ADGRL2: variants seen among roughly 807,000 people sequenced by gnomAD.
ADGRL2 encodes the protein adhesion G protein-coupled receptor L2.
A neutral mutation model predicts 157.4 loss-of-function variants in ADGRL2; 44 were observed. The observed-to-expected ratio is 0.28, with a 90% CI of 0.22 to 0.36. ADGRL2 has a LOEUF of 0.36. ADGRL2 is among the 10% of genes least tolerant of loss of function. ADGRL2 has a pLI of 1.00. For missense variants in ADGRL2, 1,510 were observed against 1,768.9 expected (o/e 0.85, Z 2.63); for synonymous variants, 585 against 624.7 (o/e 0.94, Z 0.95).
At chr1:81,567,521 C>T (rs1400615175) in intron 2 of ADGRL2, among the ~76,000 whole-genome samples, 2 of 152,060 alleles carry the variant, frequency 1.3e-5, no homozygotes, top group East Asian at 1.9e-4. Flanking sequence ...ACTTATCTTC[C>T]TCTTCAAAAG....
At chr1:81,498,111 T>C (rs2147994895) in intron 2 of ADGRL2, among the ~76,000 whole-genome samples, 1 of 152,194 alleles carries the variant, frequency 6.6e-6, no homozygotes, top group African/African-American at 2.4e-5. Flanking sequence ...TGAAGGACTA[T>C]TCCATTGGTA....
intron 2 of ADGRL2, among the ~76,000 whole-genome samples, chr1:81,494,807 G>A (rs1380840701): frequency 6.6e-6 from 1 of 151,972 alleles, no homozygotes; most frequent in Non-Finnish European, 1.5e-5. Flanking sequence ...AAATGTCTGT[G>A]CTAAAGGCCA....
At chr1:81,722,166 G>C (rs1422417118) in intron 1 of ADGRL2, among the ~76,000 whole-genome samples, 1 of 152,084 alleles carries the variant, frequency 6.6e-6, no homozygotes, top group African/African-American at 2.4e-5. Flanking sequence ...GGTGGCAGGC[G>C]CCTGTAGTCC....
chr1:81,885,241 CTG>C (rs1245403022), intron 2 of ADGRL2, among the ~76,000 whole-genome samples: 2 of 152,136 alleles, frequency 1.3e-5, no homozygotes, highest in African/African-American at 4.8e-5. Flanking sequence ...TAAATGTTAA[CTG>C]TAACATATTC....
intron 18 of ADGRL2, chr1:81,980,744 C>A: frequency 1.6e-6 from 1 of 627,190 alleles, no homozygotes; most frequent in Middle Eastern, 2.6e-4. Context: ...TAATCTTTAG[C>A]ATCTCTCTCT....
chr1:81,355,456 C>T (rs192977094), intron 1 of ADGRL2, among the ~76,000 whole-genome samples: 1 of 152,234 alleles, frequency 6.6e-6, no homozygotes, highest in Admixed American at 6.5e-5. Flanking sequence ...TATATGTGTA[C>T]ATATATTCTA....
intron 1 of ADGRL2, among the ~76,000 whole-genome samples, chr1:81,376,266 G>A (rs1038645268): frequency 3.7e-4 from 57 of 152,306 alleles, no homozygotes; most frequent in African/African-American, 1.3e-3. Context: ...AGCTGCCTGT[G>A]GGGTCGCTTT....
chr1:81,842,054 A>G (rs1280938916), intron 2 of ADGRL2, among the ~76,000 whole-genome samples: 1 of 152,080 alleles, frequency 6.6e-6, no homozygotes, highest in Non-Finnish European at 1.5e-5. Context: ...TTGCTGACAA[A>G]TTGCAGGGTG....
intron 2 of ADGRL2, among the ~76,000 whole-genome samples, chr1:81,762,306 T>A (rs1381729704): frequency 6.6e-6 from 1 of 152,192 alleles, no homozygotes; most frequent in African/African-American, 2.4e-5. Flanking sequence ...CTTTGCAGCA[T>A]CTGTGAATTT....
intron 3 of ADGRL2, among the ~76,000 whole-genome samples, chr1:81,614,238 C>T (rs746469756): frequency 7.9e-5 from 12 of 152,178 alleles, no homozygotes; most frequent in South Asian, 6.2e-4. Flanking sequence ...GAGCCTTAAC[C>T]CTCTCCATAT....
chr1:81,604,417 T>C (rs776154148), intron 3 of ADGRL2, among the ~76,000 whole-genome samples: 8 of 152,142 alleles, frequency 5.3e-5, no homozygotes, highest in Non-Finnish European at 1.2e-4. Flanking sequence ...ACCTCCCAGG[T>C]TAGAGTATAG....
intron 2 of ADGRL2, among the ~76,000 whole-genome samples, chr1:81,854,737 C>G (rs2093143031): frequency 6.6e-6 from 1 of 152,140 alleles, no homozygotes; most frequent in Non-Finnish European, 1.5e-5. Flanking sequence ...GAAACTCAAA[C>G]AGCAGAGATA....
At chr1:81,540,936 A>G (rs906342296) in intron 2 of ADGRL2, among the ~76,000 whole-genome samples, 12 of 152,302 alleles carry the variant, frequency 7.9e-5, no homozygotes, top group African/African-American at 2.9e-4. Context: ...AAATACCTGT[A>G]TAAAGTGCAA....
At chr1:81,460,803 G>A (rs2077910420) in intron 2 of ADGRL2, among the ~76,000 whole-genome samples, 1 of 152,310 alleles carries the variant, frequency 6.6e-6, no homozygotes, top group Middle Eastern at 3.4e-3. Context: ...CAAAAGGCAT[G>A]GAAGGACACA....
chr1:81,782,574 A>G (rs1465616862), intron 2 of ADGRL2, among the ~76,000 whole-genome samples: 1 of 152,170 alleles, frequency 6.6e-6, no homozygotes, highest in East Asian at 1.9e-4. Flanking sequence ...AGAAAGGGTT[A>G]ATTCTCTCAG....
intron 2 of ADGRL2, among the ~76,000 whole-genome samples, chr1:81,879,758 T>C (rs1158914620): frequency 6.6e-6 from 1 of 152,124 alleles, no homozygotes; most frequent in Non-Finnish European, 1.5e-5. Context: ...ACACCTGTAA[T>C]CCTAGCACTT....
intron 2 of ADGRL2, among the ~76,000 whole-genome samples, chr1:81,521,874 C>A (rs2079324233): frequency 6.6e-6 from 1 of 152,084 alleles, no homozygotes; most frequent in African/African-American, 2.4e-5. Context: ...GTATTAACCT[C>A]TGTCTGCTAT....
At chr1:81,656,192 G>A (rs1318577336) in intron 3 of ADGRL2, among the ~76,000 whole-genome samples, 1 of 152,202 alleles carries the variant, frequency 6.6e-6, no homozygotes, top group Non-Finnish European at 1.5e-5. Context: ...ACTTCACAGA[G>A]TAGCTGCTTA....
chr1:81,449,334 C>T (rs1272127630), intron 2 of ADGRL2, among the ~76,000 whole-genome samples: 2 of 152,068 alleles, frequency 1.3e-5, no homozygotes, highest in Non-Finnish European at 2.9e-5. Flanking sequence ...GTGTAATAGG[C>T]TGTTTGATCA....
Sources: gnomAD v4.1 joint callset for allele counts (sites outside exome capture counted in the v4.1 genomes callset) on GRCh38, gnomAD v4.1.1 for gene constraint, MANE v1.5 for transcripts, NCBI Gene and HGNC (gene_info 2026-07-23, HGNC 2026-07-21) for gene names.